MARCHF2: variants seen among roughly 807,000 people sequenced by gnomAD.
MARCHF2 encodes membrane associated ring-CH-type finger 2.
A neutral mutation model predicts 24.0 loss-of-function variants in MARCHF2; 22 were observed. That is an observed-to-expected ratio of 0.92 (90% confidence interval 0.66 to 1.31). The LOEUF (loss-of-function observed/expected upper bound fraction) is 1.31, where lower values mean the gene tolerates loss of function less well. MARCHF2 is among the 50% of genes most tolerant of loss of function. The pLI, the probability that MARCHF2 is intolerant of heterozygous loss-of-function variation, is 0.00. For missense variants in MARCHF2, 301 were observed against 335.3 expected (o/e 0.90, Z 0.80); for synonymous variants, 154 against 153.0 (o/e 1.01, Z -0.05).
chr19:8,429,154 C>T (rs1237392181), intron 3 of MARCHF2, among the ~76,000 whole-genome samples: 1 of 151,948 alleles, frequency 6.6e-6, no homozygotes, highest in Non-Finnish European at 1.5e-5. Flanking sequence ...AGCCTAGAGC[C>T]CCATCTCCCC....
Position 8,430,986 on chromosome 19 carries a change from C to T in MARCHF2, c.582+119C>T, listed in dbSNP as rs1385955721. 1.2e-5 allele frequency: 12 copies of T among 1,025,240 alleles called. No homozygotes were observed. Among genetic ancestry groups the T allele is most frequent in the East Asian group, 7.8e-5 (3 of 38,264 alleles). 63.5% of individuals were successfully genotyped at this position (1,025,240 alleles called of 1,614,324 possible). ...CTCCCTGGCTGCCTCTGTCTATGGC[C>T]GTGGGTGGAAGAGAGCTTCTGAGGT... On this transcript the variant is annotated intron_variant, in intron 4 of 4. Transcript: ENST00000215555. The surrounding 1 kb of genome is among the most constrained non-coding windows in gnomAD (Gnocchi z 4.4).
intron 2 of MARCHF2, among the ~76,000 whole-genome samples, chr19:8,422,477 C>CCGCCT (rs1474807265): frequency 6.6e-6 from 1 of 151,930 alleles, no homozygotes; most frequent in Non-Finnish European, 1.5e-5. Context: ...ACTGAAACCT[C>CCGCCT]CGCCTCCCAG....
chr19:8,437,337 A>C, intron 4 of MARCHF2, among the ~76,000 whole-genome samples: 1 of 128,196 alleles, frequency 7.8e-6, no homozygotes, highest in Middle Eastern at 4.3e-3. Flanking sequence ...CTGTTTATTT[A>C]TTCATTCACC....
At chr19:8,428,035 C>T (rs1465170909) in intron 3 of MARCHF2, among the ~76,000 whole-genome samples, 2 of 151,684 alleles carry the variant, frequency 1.3e-5, no homozygotes, top group African/African-American at 4.8e-5. Context: ...CCGAGGCGGG[C>T]GGATCACGAG....
chr19:8,436,255 C>G (rs1021624862), intron 4 of MARCHF2, among the ~76,000 whole-genome samples: 1 of 151,958 alleles, frequency 6.6e-6, no homozygotes, highest in East Asian at 1.9e-4. Context: ...CTGCCTCAGC[C>G]TCCCGAGTAG....
chr19:8,425,147 G>A lies in MARCHF2; in HGVS notation c.177-1462G>A, dbSNP rs181850001. Among the ~76,000 whole-genome samples, 356 of 152,018 alleles carry A rather than the reference G, an allele frequency of 2.3e-3. 1 individual carries two copies. Among genetic ancestry groups the A allele is most frequent in the Non-Finnish European group, 4.2e-3 (288 of 67,974 alleles). On this transcript the variant is annotated intron_variant, in intron 2 of 4. Coordinates refer to ENST00000215555, the MANE Select transcript of MARCHF2 (RefSeq NM_001005415.2). ...TCCCAGCACTTTGGGAGGCTGAGGC[G>A]GGCAGATCACGAGGTCAGGAGATTG...
chr19:8,430,255 C>T lies in MARCHF2; in HGVS notation c.373-403C>T, dbSNP rs146059040. On this transcript the variant is annotated intron_variant, in intron 3 of 4. Coordinates refer to ENST00000215555, the MANE Select transcript of MARCHF2 (RefSeq NM_001005415.2). The surrounding 1 kb of genome is among the most constrained non-coding windows in gnomAD (Gnocchi z 4.4). ...GCGCTTGCCTATAATCCCAGCTACT[C>T]GGGAGGCTGAGGTGGGAGAATCGCT... 1.2e-4 allele frequency among the ~76,000 whole-genome samples: 18 copies of T among 152,138 alleles called. No homozygotes were observed. The highest frequency in any genetic ancestry group is 2.0e-4 in the Admixed American group (3 of 15,242).
intron 2 of MARCHF2, 63 bp downstream of exon 2, chr19:8,422,079 T>A: frequency 6.6e-7 from 1 of 1,518,438 alleles, no homozygotes; most frequent in South Asian, 1.3e-5. Context: ...CGCAGTGAGT[T>A]TCTCCCAGCC....
intron 1 of MARCHF2, among the ~76,000 whole-genome samples, chr19:8,415,739 A>AAAAAAC (rs1568233676): frequency 1.0e-5 from 1 of 96,838 alleles, no homozygotes; most frequent in African/African-American, 4.0e-5. Flanking sequence ...AAAAAACAAA[A>AAAAAAC]AAAACAAAAA....
chr19:8,415,744 C>CAA lies in MARCHF2; in HGVS notation c.-53+2334_-53+2335dup, dbSNP rs542384304. 2.7e-4 allele frequency among the ~76,000 whole-genome samples: 26 copies of CAA among 96,198 alleles called. 2 individuals carry two copies. Among genetic ancestry groups the CAA allele is most frequent in the African/African-American group, 7.2e-4 (19 of 26,246 alleles). The allele number at this position is 96,198 out of a possible 152,430, so 63.1% of individuals were successfully genotyped here. On this transcript the variant is annotated intron_variant, in intron 1 of 4. Transcript: ENST00000215555. ...CTCAAAAAAAAAAAAACAAAAAAAA[C>CAA]AAAAAAAAAAACCAGACAAAAGAAA...
Position 8,430,602 on chromosome 19 carries a change from C to G in MARCHF2, c.373-56C>G, listed in dbSNP as rs1967552421. ...AGGCCTGGAGGTCCTTACCCCTCCCCCTCAGTAGCCCCTTCTCTGCCCCCT... is the reference window on the plus strand; with the variant it reads ...AGGCCTGGAGGTCCTTACCCCTCCCGCTCAGTAGCCCCTTCTCTGCCCCCT... On this transcript the variant is annotated intron_variant, in intron 3 of 4. Transcript: ENST00000215555. The surrounding 1 kb of genome is among the most constrained non-coding windows in gnomAD (Gnocchi z 4.4). The G allele has an allele frequency of 6.8e-7, 1 of 1,461,696 alleles. No individual in the cohort carries two copies. The highest frequency in any genetic ancestry group is 9.5e-7 in the Non-Finnish European group (1 of 1,056,112). The allele number at this position is 1,461,696 out of a possible 1,614,324, so 90.5% of individuals were successfully genotyped here.
chr19:8,437,849 A>G (rs1967772363), intron 4 of MARCHF2, among the ~76,000 whole-genome samples: 1 of 151,488 alleles, frequency 6.6e-6, no homozygotes, highest in Admixed American at 6.6e-5. Flanking sequence ...GGCTCAGGCG[A>G]TTCTCCTGCC....
At chr19:8,428,649 C>CAAAAAAAAAAAAAAAAAAA (rs59542078) in intron 3 of MARCHF2, among the ~76,000 whole-genome samples, 2 of 30,620 alleles carry the variant, frequency 6.5e-5, no homozygotes, top group African/African-American at 1.3e-4. Flanking sequence ...GACTCTATCT[C>CAAAAAAAAAAAAAAAAAAA]AAAAAAAAAA....
intron 2 of MARCHF2, among the ~76,000 whole-genome samples, chr19:8,422,612 C>CA (rs1458802625): frequency 1.3e-5 from 2 of 148,676 alleles, no homozygotes; most frequent in African/African-American, 2.5e-5. Flanking sequence ...AGGCTGGTCT[C>CA]AAACTCCTGA....
Position 8,421,991 on chromosome 19 carries a change from G to T in MARCHF2, c.151G>T (p.Val51Phe), listed in dbSNP as rs202077510. 1 of 1,612,906 alleles carries T rather than the reference G, an allele frequency of 6.2e-7. No homozygotes were observed. The highest frequency in any genetic ancestry group is 8.5e-7 in the Non-Finnish European group (1 of 1,179,570). The change falls in exon 2 of 5, where the codon GTC becomes TTC. Residue 51 changes from valine (V) to phenylalanine (F), a missense_variant. Val to Phe is a conservative substitution (Grantham distance 50, BLOSUM62 -1). Coordinates refer to ENST00000215555, the MANE Select transcript of MARCHF2 (RefSeq NM_001005415.2). ...AAGGGATGGCCGGCTCCTCTCCACCGTCATCCGTGCCTTGGACACACCGAG... is the reference window on the plus strand; with the variant it reads ...AAGGGATGGCCGGCTCCTCTCCACCTTCATCCGTGCCTTGGACACACCGAG... ...TSRDGRLLST[V>F]IRALDTPSDG... is the part of the protein sequence containing the mutation.
Position 8,423,935 on chromosome 19 carries a change from G to A in MARCHF2, c.176+1919G>A, listed in dbSNP as rs558738824. The stretch of plus-strand genomic sequence containing the variant: ...GAGGATCGCTCGAGCTAGGGAGTCC[G>A]AGGCTGCAGTGAGCTGTGATTGCAC... On this transcript the variant is annotated intron_variant, in intron 2 of 4. Transcript: ENST00000215555. Among the ~76,000 whole-genome samples the A allele has an allele frequency of 9.5e-5, 14 of 147,870 alleles. No homozygotes were observed. The East Asian group carries it at 2.2e-3, about 23-fold the overall frequency.
chr19:8,433,483 CCTGA>C (rs1310325720), intron 4 of MARCHF2, among the ~76,000 whole-genome samples: 2 of 151,886 alleles, frequency 1.3e-5, no homozygotes, highest in East Asian at 3.9e-4. Context: ...TCAAGACCAG[CCTGA>C]CTAACATGGT....
intron 1 of MARCHF2, among the ~76,000 whole-genome samples, chr19:8,416,297 G>A (rs1300990615): frequency 6.7e-6 from 1 of 148,810 alleles, no homozygotes; most frequent in Non-Finnish European, 1.5e-5. Flanking sequence ...AGCTGAGATC[G>A]GCCACTGTAC....
Position 8,430,920 on chromosome 19 carries a change from G to T in MARCHF2, c.582+53G>T, listed in dbSNP as rs1184145756. 6.6e-7 allele frequency: 1 copy of T among 1,508,484 alleles called. No homozygotes were observed. Among genetic ancestry groups the T allele is most frequent in the Non-Finnish European group, 8.9e-7 (1 of 1,123,878 alleles). 93.4% of individuals were successfully genotyped at this position (1,508,484 alleles called of 1,614,324 possible). Reference sequence around the variant, plus strand: ...GTCTCGAGCTCTGCCGCTGGGAGCAGCAGGGCCAAGGATTTGGCCCCTGGC... The same window carrying T: ...GTCTCGAGCTCTGCCGCTGGGAGCATCAGGGCCAAGGATTTGGCCCCTGGC... On this transcript the variant is annotated intron_variant, in intron 4 of 4. Coordinates refer to ENST00000215555, the MANE Select transcript of MARCHF2 (RefSeq NM_001005415.2). The surrounding 1 kb of genome is among the most constrained non-coding windows in gnomAD (Gnocchi z 4.4).
Sources: gnomAD v4.1 joint callset for allele counts (sites outside exome capture counted in the v4.1 genomes callset) on GRCh38, gnomAD v4.1.1 for gene constraint, Gnocchi (gnomAD v3.1) non-coding constraint, MANE v1.5 for transcripts, NCBI Gene and HGNC (gene_info 2026-07-23, HGNC 2026-07-21) for gene names.